Variants in SEMA6D observed in about 807,000 individuals in gnomAD.
SEMA6D encodes semaphorin 6D, also known as semaphorin-6D.
SEMA6D carries 35 observed loss-of-function variants against 106.6 expected under a neutral mutation model. The ratio of observed to expected loss-of-function variants is 0.33; its 90% confidence interval spans 0.25 to 0.44. The LOEUF is 0.44. SEMA6D is among the 20% of genes least tolerant of loss of function. The pLI is 1.00. For missense variants in SEMA6D, 1,185 were observed against 1,345.9 expected, an observed-to-expected ratio of 0.88 and a Z score of 1.87; for synonymous variants, 499 against 487.7, an observed-to-expected ratio of 1.02 and a Z score of -0.31.
intron 3 of SEMA6D, among the ~76,000 whole-genome samples, chr15:47,497,528 C>T (rs2043707660): frequency 6.6e-6 from 1 of 152,094 alleles, no homozygotes; most frequent in African/African-American, 2.4e-5. Context: ...TCTTTGACTG[C>T]CTCTACTCCC....
intron 1 of SEMA6D, among the ~76,000 whole-genome samples, chr15:47,210,704 G>T (rs1290945547): frequency 6.9e-6 from 1 of 144,394 alleles, no homozygotes; most frequent in African/African-American, 2.6e-5. Flanking sequence ...GGTGGATGTT[G>T]CAGTGAGCCG....
chr15:47,481,020 G>C (rs2043140026), intron 3 of SEMA6D, among the ~76,000 whole-genome samples: 1 of 152,042 alleles, frequency 6.6e-6, no homozygotes, highest in Non-Finnish European at 1.5e-5. Flanking sequence ...ATAATTATAA[G>C]GCTGCCTCCA....
intron 4 of SEMA6D, among the ~76,000 whole-genome samples, chr15:47,666,478 G>A (rs1002952191): frequency 6.6e-6 from 1 of 152,156 alleles, no homozygotes; most frequent in African/African-American, 2.4e-5. Context: ...GAGAATTGGG[G>A]AGACTGCAAC....
chr15:47,305,874 C>T (rs910840458), intron 1 of SEMA6D, among the ~76,000 whole-genome samples: 3 of 152,224 alleles, frequency 2.0e-5, no homozygotes, highest in Non-Finnish European at 4.4e-5. Flanking sequence ...TCCTTTGATC[C>T]AGGCCTTCAC....
intron 1 of SEMA6D, among the ~76,000 whole-genome samples, chr15:47,262,661 T>C (rs1178717623): frequency 1.3e-5 from 2 of 152,088 alleles, no homozygotes; most frequent in Non-Finnish European, 2.9e-5. Context: ...CATATCAAAC[T>C]ACCATTGGCA....
At chr15:47,452,919 G>A (rs13313437) in intron 2 of SEMA6D, among the ~76,000 whole-genome samples, 39,075 of 151,746 alleles carry the variant, frequency 0.26, 5,139 homozygotes, top group South Asian at 0.38. Context: ...TTAAATGAAT[G>A]TATTTACAGT....
intron 4 of SEMA6D, among the ~76,000 whole-genome samples, chr15:47,669,787 C>G (rs904931272): frequency 1.3e-5 from 2 of 152,182 alleles, no homozygotes; most frequent in African/African-American, 4.8e-5. Flanking sequence ...CGATCACATC[C>G]CTTCTCATGT....
intron 2 of SEMA6D, among the ~76,000 whole-genome samples, chr15:47,469,918 C>T (rs945404323): frequency 6.6e-6 from 1 of 152,046 alleles, no homozygotes; most frequent in African/African-American, 2.4e-5. Context: ...AAAGTGTGCA[C>T]ATGATTATAA....
At chr15:47,341,377 A>G (rs550875826) in intron 1 of SEMA6D, among the ~76,000 whole-genome samples, 1 of 152,210 alleles carries the variant, frequency 6.6e-6, no homozygotes, top group Non-Finnish European at 1.5e-5. Context: ...GTGACAGAGC[A>G]AGACTGTCTC....
chr15:47,344,401 T>C (rs2037957105), intron 1 of SEMA6D, among the ~76,000 whole-genome samples: 1 of 152,126 alleles, frequency 6.6e-6, no homozygotes, highest in Non-Finnish European at 1.5e-5. Context: ...CTCAAGATAC[T>C]GTATGTCAAG....
chr15:47,463,832 C>T (rs761679708), intron 2 of SEMA6D, among the ~76,000 whole-genome samples: 10 of 152,122 alleles, frequency 6.6e-5, no homozygotes, highest in Non-Finnish European at 1.3e-4. Flanking sequence ...TAGGGAGAAC[C>T]CATTCCTTGC....
At chr15:47,476,461 G>A (rs1200772202) in intron 3 of SEMA6D, among the ~76,000 whole-genome samples, 2 of 152,116 alleles carry the variant, frequency 1.3e-5, no homozygotes, top group Admixed American at 6.5e-5. Context: ...AGAAACCAAT[G>A]GTGGAGCTTA....
chr15:47,210,793 G>C lies in SEMA6D; in HGVS notation c.-239+26375G>C, dbSNP rs148842374. Among the ~76,000 whole-genome samples, 828 of 142,718 alleles carry C rather than the reference G, an allele frequency of 5.8e-3. 12 individuals carry two copies. Among genetic ancestry groups the C allele is most frequent in the African/African-American group, 0.02 (787 of 38,452 alleles). The allele number at this position is 142,718 out of a possible 152,430, so 93.6% of individuals were successfully genotyped here. A position where few individuals can be genotyped will look rare whatever the true frequency, so the allele number is the denominator to read the frequency against. On this transcript the variant is annotated intron_variant, in intron 1 of 19. Coordinates refer to the SEMA6D transcript ENST00000558014. ...AAAAAAAAAAAAAAAAAAAAATCCA[G>C]CCATTGGCAGTGTGAATCTGGCTGC...
chr15:47,594,020 A>T (rs989631740), intron 3 of SEMA6D, among the ~76,000 whole-genome samples: 2 of 152,204 alleles, frequency 1.3e-5, no homozygotes, highest in Non-Finnish European at 1.5e-5. Flanking sequence ...CACAGATCCA[A>T]ACCGTATCAA....
intron 3 of SEMA6D, among the ~76,000 whole-genome samples, chr15:47,521,802 G>A (rs1409368898): frequency 1.3e-5 from 2 of 152,064 alleles, no homozygotes; most frequent in Admixed American, 6.6e-5. Context: ...TGCCTAACAC[G>A]GTGAAACCCC....
intron 1 of SEMA6D, among the ~76,000 whole-genome samples, chr15:47,231,367 A>G (rs890320130): frequency 6.6e-6 from 1 of 151,898 alleles, no homozygotes; most frequent in Admixed American, 6.6e-5. Flanking sequence ...TAGCTTCTAG[A>G]CAGTTGTCTC....
chr15:47,615,179 A>G (rs556823237), intron 4 of SEMA6D, among the ~76,000 whole-genome samples: 7 of 152,358 alleles, frequency 4.6e-5, no homozygotes, highest in African/African-American at 1.7e-4. Flanking sequence ...AAATAGCAAT[A>G]AAAAATAATA....
At chr15:47,656,206 C>T (rs116187642) in intron 4 of SEMA6D, among the ~76,000 whole-genome samples, 3,190 of 152,192 alleles carry the variant, frequency 0.021, 125 homozygotes, top group African/African-American at 0.073. Context: ...ACAGTATATA[C>T]GAAATAAGGT....
In SEMA6D at chr15:47,191,855, A is replaced by G. The variant is rs561867575; in HGVS notation, c.-239+7437A>G. The stretch of plus-strand genomic sequence containing the variant: ...GAAGCAGTAGATAGTAGTCTCTGTT[A>G]TAGAGTTGCTGGAGAGAAGGCAGAA... On this transcript the variant is annotated intron_variant, in intron 1 of 19. Transcript: ENST00000558014. Among the ~76,000 whole-genome samples, 8 of 152,286 alleles carry G rather than the reference A, an allele frequency of 5.3e-5. No homozygotes were observed. In the South Asian group the frequency reaches 1.7e-3, roughly 32 times the overall value.
Sources: allele counts gnomAD v4.1 joint callset (sites outside exome capture counted in the v4.1 genomes callset), GRCh38; gene constraint gnomAD v4.1.1; transcripts MANE v1.5; gene names NCBI Gene and HGNC (gene_info 2026-07-23, HGNC 2026-07-21).